Variants in DCTN4 observed in about 807,000 individuals in gnomAD.
DCTN4 encodes the protein dynactin 4 (p62).
DCTN4 carries 23 observed loss-of-function variants against 62.7 expected under a neutral mutation model. The observed-to-expected ratio is 0.37, with a 90% confidence interval of 0.26 to 0.52. The LOEUF (loss-of-function observed/expected upper bound fraction) is 0.52, where lower values mean the gene tolerates loss of function less well. Ranked by LOEUF, DCTN4 falls within the 20% of genes least tolerant of loss-of-function variation. The probability of loss-of-function intolerance (pLI) is 0.92; values close to 1 mark genes in which losing one functional copy is unlikely to be tolerated. For synonymous variants in DCTN4, 199 were observed against 202.1 expected (o/e 0.98, Z 0.13); for missense variants, 514 against 580.4 (o/e 0.89, Z 1.18).
intron 8 of DCTN4, among the ~76,000 whole-genome samples, chr5:150,725,250 A>G (rs982115873): frequency 1.3e-5 from 2 of 151,704 alleles, no homozygotes; most frequent in Middle Eastern, 3.4e-3. Context: ...TAATCTCTGC[A>G]TATTTTGGTT....
chr5:150,758,662 G>A, intron 1 of DCTN4, 197 bp downstream of exon 1: 3 of 1,258,318 alleles, frequency 2.4e-6, no homozygotes, highest in Non-Finnish European at 3.2e-6. Context: ...CAGAAGATCC[G>A]CTCAGTCCCA....
At chr5:150,728,348 G>C (rs1760230260) in intron 8 of DCTN4, among the ~76,000 whole-genome samples, 2 of 152,100 alleles carry the variant, frequency 1.3e-5, no homozygotes, top group Admixed American at 6.5e-5. Context: ...AGTGTTCTGT[G>C]TGTACTTGAA....
At chr5:150,747,587 C>A (rs1752504309) in intron 3 of DCTN4, among the ~76,000 whole-genome samples, 1 of 152,154 alleles carries the variant, frequency 6.6e-6, no homozygotes, top group South Asian at 2.1e-4. Context: ...GGTACCAAAA[C>A]AGAGATGTAG....
chr5:150,735,542 C>A (rs1282093158), intron 4 of DCTN4, among the ~76,000 whole-genome samples: 22 of 152,164 alleles, frequency 1.4e-4, no homozygotes, highest in Admixed American at 1.4e-3. Context: ...ATAGCTCTGG[C>A]CGGGTGGCTA....
chr5:150,742,028 A>G (rs1467755832), intron 4 of DCTN4, 86 bp downstream of exon 4: 6 of 1,128,946 alleles, frequency 5.3e-6, no homozygotes, highest in Non-Finnish European at 6.8e-6. Context: ...AACACAGCTC[A>G]TATCTACCCA....
intron 4 of DCTN4, among the ~76,000 whole-genome samples, chr5:150,737,901 C>G (rs1176630733): frequency 2.0e-5 from 3 of 151,906 alleles, no homozygotes; most frequent in Admixed American, 6.6e-5. Context: ...AGAGAAGATC[C>G]AAATAAGCTC....
intron 3 of DCTN4, among the ~76,000 whole-genome samples, chr5:150,748,329 A>AC (rs1490398863): frequency 6.6e-6 from 1 of 151,840 alleles, no homozygotes; most frequent in Non-Finnish European, 1.5e-5. Flanking sequence ...ACACTTTTAC[A>AC]CTGTTGGTGG....
In DCTN4 at chr5:150,756,444, G is replaced by C; in HGVS notation, c.179C>G (p.Ser60Trp). ...YCPSCLENMP[S>W]AEAKLKKNRC... is the part of the protein sequence containing the mutation. ...ATTCTTTTTTAGTTTGGCTTCAGCC[G>C]ATGGCATATTTTCTAAACAACTGGG... is the stretch of plus-strand genomic sequence containing the variant. Residue 60 changes from serine to tryptophan, a missense_variant, in exon 2 of 13, where the codon TCG becomes TGG. By Grantham distance (177) the Ser-to-Trp change is radical. Coordinates refer to ENST00000447998, the MANE Select transcript of DCTN4 (RefSeq NM_016221.4). 6.2e-7 allele frequency: 1 copy of C among 1,602,196 alleles called. No individual in the cohort carries two copies. The highest frequency in any genetic ancestry group is 8.5e-7 in the Non-Finnish European group (1 of 1,175,386).
chr5:150,720,088 A>G (rs962417274), intron 9 of DCTN4, among the ~76,000 whole-genome samples: 8 of 152,224 alleles, frequency 5.3e-5, no homozygotes, highest in Non-Finnish European at 2.9e-5. Context: ...GGTTTTCCCA[A>G]TTCTAAAATG....
intron 10 of DCTN4, 125 bp downstream of exon 10, chr5:150,719,591 C>A: frequency 1.4e-6 from 1 of 690,524 alleles, no homozygotes; most frequent in Non-Finnish European, 2.5e-6. Flanking sequence ...TTATCCCAAA[C>A]TGTCTTCTTT....
At chr5:150,721,035 C>T (rs1327400804) in intron 9 of DCTN4, among the ~76,000 whole-genome samples, 1 of 152,130 alleles carries the variant, frequency 6.6e-6, no homozygotes, top group African/African-American at 2.4e-5. Flanking sequence ...CATTTGCAAA[C>T]ATAATTACTC....
intron 11 of DCTN4, among the ~76,000 whole-genome samples, chr5:150,717,888 G>T (rs897196128): frequency 1.3e-5 from 2 of 152,336 alleles, no homozygotes; most frequent in Admixed American, 6.5e-5. Context: ...GAACAGAGAA[G>T]TAATGTCATT....
intron 12 of DCTN4, 98 bp from the exon 13 acceptor site, chr5:150,711,460 G>A: frequency 1.1e-6 from 1 of 935,876 alleles, no homozygotes; most frequent in Non-Finnish European, 1.6e-6. Flanking sequence ...CTTTCCTTCA[G>A]CACACACAGA....
chr5:150,756,602 T>A, intron 1 of DCTN4, 115 bp from the exon 2 acceptor site: 3 of 515,376 alleles, frequency 5.8e-6, no homozygotes, highest in Non-Finnish European at 9.9e-6. Flanking sequence ...GAAAGTAGAC[T>A]GTTTTCTGCT....
Position 150,730,672 on chromosome 5 carries a change from G to A in DCTN4, c.793C>T (p.Arg265Cys). 6.2e-6 allele frequency: 10 copies of A among 1,614,034 alleles called. No homozygotes were observed. The highest frequency in any genetic ancestry group is 1.1e-5 in the South Asian group (1 of 91,060). The change falls in exon 8 of 13, where the codon CGC becomes TGC. Residue 265 changes from arginine to cysteine, a missense_variant. Physicochemically the swap from Arg to Cys is radical, Grantham distance 180. Coordinates refer to ENST00000447998, the MANE Select transcript of DCTN4 (RefSeq NM_016221.4). ...CGTTTGATCAGAAGATGTTTGTGGC[G>A]AGGATAGAGCTGTGAAGCACAGACT... is the stretch of plus-strand genomic sequence containing the variant. ...QPVCASQLYP[R>C]HKHLLIKRSL...
chr5:150,718,432 G>A (rs1432879503), intron 10 of DCTN4, 49 bp from the exon 11 acceptor site: 1 of 1,402,268 alleles, frequency 7.1e-7, no homozygotes, highest in Non-Finnish European at 1.0e-6. Flanking sequence ...TTTCTTAGCT[G>A]CTATACCGAA....
At chr5:150,725,709 G>C (rs901114960) in intron 8 of DCTN4, among the ~76,000 whole-genome samples, 1 of 151,958 alleles carries the variant, frequency 6.6e-6, no homozygotes, top group Non-Finnish European at 1.5e-5. Flanking sequence ...ACTTAACTAC[G>C]TTGTGATCAA....
At chr5:150,733,199 C>T (rs564473302) in intron 5 of DCTN4, among the ~76,000 whole-genome samples, 169 bp downstream of exon 5, 1 of 152,280 alleles carries the variant, frequency 6.6e-6, no homozygotes, top group South Asian at 2.1e-4. Flanking sequence ...TCAAACAGAA[C>T]TAATGATATA....
chr5:150,744,634 T>G (rs892636576), intron 3 of DCTN4, among the ~76,000 whole-genome samples: 1 of 151,564 alleles, frequency 6.6e-6, no homozygotes, highest in Non-Finnish European at 1.5e-5. Context: ...GGGGCCAATA[T>G]TCAACATTCT....
Sources: gnomAD v4.1 joint callset for allele counts (sites outside exome capture counted in the v4.1 genomes callset) on GRCh38, gnomAD v4.1.1 for gene constraint, MANE v1.5 for transcripts, NCBI Gene and HGNC (gene_info 2026-07-23, HGNC 2026-07-21) for gene names.